The following SLC38A4 variants were observed in gnomAD, a reference collection of about 807,000 sequenced individuals.
SLC38A4 encodes the protein sodium-coupled neutral amino acid transporter 4.
A neutral mutation model predicts 63.1 loss-of-function variants in SLC38A4; 20 were observed. The ratio of observed to expected loss-of-function variants is 0.32; its 90% CI spans 0.22 to 0.46. The LOEUF (loss-of-function observed/expected upper bound fraction) is 0.46. Ranked by LOEUF, SLC38A4 falls within the 20% of genes least tolerant of loss-of-function variation. SLC38A4 has a pLI of 1.00. For synonymous variants in SLC38A4, 230 were observed against 225.5 expected (o/e 1.02, Z -0.18); for missense variants, 526 against 663.6 (o/e 0.79, Z 2.28).
chr12:46,787,765 T>C (rs1196963950), intron 5 of SLC38A4, 151 bp downstream of exon 5: 3 of 513,708 alleles, frequency 5.8e-6, no homozygotes, highest in Non-Finnish European at 1.0e-5. Context: ...CTTTCTGCCG[T>C]TGGGTTAGGG....
At chr12:46,801,326 C>G (rs1375969119) in intron 2 of SLC38A4, among the ~76,000 whole-genome samples, 1 of 152,008 alleles carries the variant, frequency 6.6e-6, no homozygotes, top group Non-Finnish European at 1.5e-5. Context: ...GGTGTCAAAA[C>G]AGTAAATTTC....
At chr12:46,815,845 G>A (rs764143500) in intron 1 of SLC38A4, among the ~76,000 whole-genome samples, 11 of 151,908 alleles carry the variant, frequency 7.2e-5, no homozygotes, top group Non-Finnish European at 1.2e-4. Context: ...CCCCAGGAGA[G>A]ATGGCTTTCT....
At chr12:46,793,343 C>CAAGAAAGGAAGAAATGGAAGAG (rs1478591999) in intron 2 of SLC38A4, among the ~76,000 whole-genome samples, 160 bp from the exon 3 acceptor site, 1 of 151,734 alleles carries the variant, frequency 6.6e-6, no homozygotes, top group Non-Finnish European at 1.5e-5. Context: ...TTACCCAATA[C>CAAGAAAGGAAGAAATGGAAGAG]AAGAAAGGAA....
At chr12:46,815,213 C>T (rs1939413828) in intron 1 of SLC38A4, among the ~76,000 whole-genome samples, 1 of 139,726 alleles carries the variant, frequency 7.2e-6, no homozygotes, top group Non-Finnish European at 1.5e-5. Flanking sequence ...GGCAAAATGA[C>T]TTTTCAAGGA....
chr12:46,777,742 A>G (rs542263841), intron 12 of SLC38A4, among the ~76,000 whole-genome samples: 2 of 152,154 alleles, frequency 1.3e-5, no homozygotes, highest in South Asian at 4.1e-4. Flanking sequence ...CAAAGGGAAA[A>G]GAATACAAAT....
Position 46,788,016 on chromosome 12 carries a change from A to T in SLC38A4, c.226T>A (p.Ser76Thr). The change falls in exon 5 of 17, where the codon TCC becomes ACC. Residue 76 changes from serine to threonine, a missense_variant. Coordinates refer to ENST00000266579, the MANE Select transcript of SLC38A4 (RefSeq NM_018018.5). Reference protein sequence around the residue: ...YADEHHPGTTSFGMSSFNLSN... With the variant: ...YADEHHPGTTTFGMSSFNLSN... ...AGGTTAAATGAAGACATTCCAAAGG[A>T]AGTGGTTCCGGGATGCTTGAAAAAG... 1 of 1,613,770 alleles carries T rather than the reference A, an allele frequency of 6.2e-7. No individual in the cohort carries two copies. Among genetic ancestry groups the T allele is most frequent in the Non-Finnish European group, 8.5e-7 (1 of 1,179,740 alleles).
intron 1 of SLC38A4, among the ~76,000 whole-genome samples, chr12:46,804,648 A>G (rs567451985): frequency 1.9e-4 from 29 of 152,214 alleles, no homozygotes; most frequent in African/African-American, 6.5e-4. Flanking sequence ...GATGCAAGAC[A>G]TTAAACATTA....
At chr12:46,830,359 C>A (rs1056927285), upstream of SLC38A4, among the ~76,000 whole-genome samples, 2 of 151,770 alleles carry the variant, frequency 1.3e-5, no homozygotes, top group Non-Finnish European at 2.9e-5. Context: ...GGAAAGAGTT[C>A]ACCAATTTCA....
At chr12:46,768,698 A>T (rs984364596) in intron 15 of SLC38A4, among the ~76,000 whole-genome samples, 1 of 152,108 alleles carries the variant, frequency 6.6e-6, no homozygotes, top group Non-Finnish European at 1.5e-5. Context: ...ATATAAATAC[A>T]TACTAAGGTG....
At chr12:46,789,369 A>G (rs926875423) in intron 3 of SLC38A4, among the ~76,000 whole-genome samples, 1 of 152,184 alleles carries the variant, frequency 6.6e-6, no homozygotes, top group Admixed American at 6.5e-5. Context: ...GAAACTAAGG[A>G]AATTATTAAA....
At chr12:46,775,888 C>T (rs1376157579) in intron 13 of SLC38A4, among the ~76,000 whole-genome samples, 1 of 151,896 alleles carries the variant, frequency 6.6e-6, no homozygotes, top group African/African-American at 2.4e-5. Flanking sequence ...TGGATTTTCA[C>T]CTCAAGATCA....
At chr12:46,772,781 G>A (rs936528360) in intron 14 of SLC38A4, among the ~76,000 whole-genome samples, 3 of 152,042 alleles carry the variant, frequency 2.0e-5, no homozygotes, top group African/African-American at 7.2e-5. Context: ...CAGTTACCAT[G>A]TTGAAAGAAG....
chr12:46,766,889 G>T, intron 16 of SLC38A4, 87 bp from the exon 17 acceptor site: 1 of 833,718 alleles, frequency 1.2e-6, no homozygotes, highest in South Asian at 1.6e-5. Context: ...ATGGCAATCT[G>T]ATCTATATAT....
At chr12:46,783,052 G>GTGTGTGCA (rs1295208747) in intron 7 of SLC38A4, among the ~76,000 whole-genome samples, 1 of 65,254 alleles carries the variant, frequency 1.5e-5, no homozygotes, top group African/African-American at 3.9e-5. Context: ...GTGTGTGTGT[G>GTGTGTGCA]TGTGTGTTAG....
chr12:46,769,659 TCAA>T (rs896774337), intron 14 of SLC38A4, among the ~76,000 whole-genome samples: 6 of 152,164 alleles, frequency 3.9e-5, no homozygotes. Context: ...GTCATTTCGG[TCAA>T]CAACAGACCA....
At chr12:46,767,890 G>A (rs1938331733) in intron 16 of SLC38A4, among the ~76,000 whole-genome samples, 1 of 152,030 alleles carries the variant, frequency 6.6e-6, no homozygotes, top group South Asian at 2.1e-4. Context: ...CTATGGAAGG[G>A]AAAACAAAAG....
rs1303517807 is a variant in SLC38A4 at position 46,779,864 on chromosome 12, T to C, written c.576-2A>G. The C allele has an allele frequency of 6.2e-7, 1 of 1,611,762 alleles. No individual in the cohort carries two copies. The highest frequency in any genetic ancestry group is 1.7e-5 in the Admixed American group (1 of 59,772). On this transcript the variant is annotated splice_acceptor_variant, in intron 8 of 16. Transcript: ENST00000266579. LOFTEE classifies it high-confidence loss of function. ...TAGTTGCCATTGAGGTACCATTCTC[T>C]AGAAGTGAGAGACAAGGATATTAGA...
upstream of SLC38A4, among the ~76,000 whole-genome samples, chr12:46,829,261 C>T (rs1384307792): frequency 6.6e-6 from 1 of 152,172 alleles, no homozygotes; most frequent in East Asian, 1.9e-4. Flanking sequence ...CCTACTTCTA[C>T]CTCTTATCCT....
At chr12:46,828,766 T>G (rs1209602706), upstream of SLC38A4, among the ~76,000 whole-genome samples, 1 of 152,226 alleles carries the variant, frequency 6.6e-6, no homozygotes, top group Non-Finnish European at 1.5e-5. Flanking sequence ...AAGATAGGAA[T>G]AAAAGAAACT....
Sources: gnomAD v4.1 joint callset for allele counts (sites outside exome capture counted in the v4.1 genomes callset) on GRCh38, gnomAD v4.1.1 for gene constraint, MANE v1.5 for transcripts, NCBI Gene and HGNC (gene_info 2026-07-23, HGNC 2026-07-21) for gene names.